The following GRIN2A variants were observed in gnomAD, a reference collection of about 807,000 sequenced individuals.
GRIN2A encodes glutamate receptor ionotropic, NMDA 2A.
GRIN2A carries 22 observed loss-of-function variants against 113.4 expected under a neutral mutation model. The observed-to-expected ratio is 0.19, with a 90% confidence interval of 0.14 to 0.28. The LOEUF is 0.28. GRIN2A is among the 10% of genes least tolerant of loss of function. The pLI, the probability that GRIN2A is intolerant of heterozygous loss-of-function variation, is 1.00. For synonymous variants in GRIN2A, 827 were observed against 738.4 expected (o/e 1.12, Z -1.94); for missense variants, 1,502 against 1,887.0 (o/e 0.80, Z 3.78).
At chr16:9,827,483 C>T (rs1015091501) in intron 9 of GRIN2A, among the ~76,000 whole-genome samples, 2 of 152,172 alleles carry the variant, frequency 1.3e-5, no homozygotes, top group African/African-American at 2.4e-5. Flanking sequence ...ATCTCAGTCC[C>T]GTCCTGCAGG....
At chr16:9,921,601 T>C (rs955475534) in intron 3 of GRIN2A, among the ~76,000 whole-genome samples, 1 of 152,248 alleles carries the variant, frequency 6.6e-6, no homozygotes, top group African/African-American at 2.4e-5. Flanking sequence ...ATCCTTAACA[T>C]ACCACCTAGA....
At chr16:10,134,350 T>C (rs2049143868) in intron 2 of GRIN2A, among the ~76,000 whole-genome samples, 1 of 152,114 alleles carries the variant, frequency 6.6e-6, no homozygotes, top group Non-Finnish European at 1.5e-5. Flanking sequence ...GTAATATGTG[T>C]TTCCAGCCTA....
chr16:10,095,845 C>A (rs1024304782), intron 2 of GRIN2A, among the ~76,000 whole-genome samples: 2 of 152,000 alleles, frequency 1.3e-5, no homozygotes, highest in African/African-American at 4.8e-5. Context: ...AAGAAGGACA[C>A]AATATCACTT....
At chr16:9,912,852 T>G (rs1369875176) in intron 3 of GRIN2A, among the ~76,000 whole-genome samples, 2 of 152,342 alleles carry the variant, frequency 1.3e-5, no homozygotes, top group Middle Eastern at 6.8e-3. Flanking sequence ...TAAAAGGCAG[T>G]AATAGCTGTG....
chr16:10,091,457 TACACACACAC>T (rs35961930), intron 2 of GRIN2A, among the ~76,000 whole-genome samples: 3,100 of 145,806 alleles, frequency 0.021, 105 homozygotes, highest in African/African-American at 0.072. Context: ...TGTGTGTGTA[TACACACACAC>T]ACACACACAC....
At chr16:9,781,378 T>G (rs1270121685) in intron 11 of GRIN2A, among the ~76,000 whole-genome samples, 2 of 152,202 alleles carry the variant, frequency 1.3e-5, no homozygotes, top group African/African-American at 4.8e-5. Flanking sequence ...TTTTTTTCTT[T>G]GAGACAGGGT....
At chr16:9,902,940 G>GTT (rs34185441) in intron 3 of GRIN2A, among the ~76,000 whole-genome samples, 22 of 50,632 alleles carry the variant, frequency 4.3e-4, no homozygotes, top group South Asian at 7.2e-4. Context: ...TCTTGGTTCT[G>GTT]TTTTTTTTTT....
At chr16:9,912,283 AT>A (rs1230979254) in intron 3 of GRIN2A, among the ~76,000 whole-genome samples, 1 of 152,084 alleles carries the variant, frequency 6.6e-6, no homozygotes, top group Non-Finnish European at 1.5e-5. Flanking sequence ...GGTGGTAGTG[AT>A]TATGGAGATG....
intron 2 of GRIN2A, among the ~76,000 whole-genome samples, chr16:10,081,125 A>G (rs2047970420): frequency 6.6e-6 from 1 of 152,150 alleles, no homozygotes; most frequent in African/African-American, 2.4e-5. Context: ...AATATCTACC[A>G]TGGGGCAATT....
chr16:10,091,098 A>G (rs2048175893), intron 2 of GRIN2A, among the ~76,000 whole-genome samples: 1 of 152,246 alleles, frequency 6.6e-6, no homozygotes, highest in Non-Finnish European at 1.5e-5. Flanking sequence ...GCTGATGGCA[A>G]TGTGATATGG....
chr16:9,900,425 T>G (rs533208080), intron 3 of GRIN2A, among the ~76,000 whole-genome samples: 34 of 152,328 alleles, frequency 2.2e-4, no homozygotes, highest in Middle Eastern at 3.4e-3. Flanking sequence ...GGTGACTCCT[T>G]AAGGAGAGGA....
At chr16:10,089,347 G>A (rs542243853) in intron 2 of GRIN2A, among the ~76,000 whole-genome samples, 7 of 152,286 alleles carry the variant, frequency 4.6e-5, no homozygotes, top group African/African-American at 1.7e-4. Flanking sequence ...TAGATTCATT[G>A]AAACGTTTAC....
At chr16:10,094,473 G>T (rs1174793401) in intron 2 of GRIN2A, among the ~76,000 whole-genome samples, 3 of 151,244 alleles carry the variant, frequency 2.0e-5, no homozygotes, top group Non-Finnish European at 2.9e-5. Flanking sequence ...TTTTGAGATG[G>T]AATCTCGCTC....
chr16:9,795,721 G>C (rs914370320), intron 11 of GRIN2A, among the ~76,000 whole-genome samples: 6 of 152,092 alleles, frequency 3.9e-5, no homozygotes, highest in African/African-American at 1.2e-4. Context: ...AGCCTTATTA[G>C]GTAATTATTT....
At chr16:9,795,952 C>G (rs1344188100) in intron 11 of GRIN2A, among the ~76,000 whole-genome samples, 4 of 152,126 alleles carry the variant, frequency 2.6e-5, no homozygotes, top group Non-Finnish European at 5.9e-5. Flanking sequence ...AGTAAGGTCC[C>G]TGAAGTAGAA....
At chr16:10,055,112 G>GAA (rs75759716) in intron 2 of GRIN2A, among the ~76,000 whole-genome samples, 4 of 67,366 alleles carry the variant, frequency 5.9e-5, no homozygotes, top group Admixed American at 3.8e-4. Context: ...AAAGAAAAAA[G>GAA]AAAAAAAAAA....
At chr16:9,854,809 G>C (rs538394174) in intron 4 of GRIN2A, among the ~76,000 whole-genome samples, 26 of 152,150 alleles carry the variant, frequency 1.7e-4, no homozygotes, top group Admixed American at 6.5e-4. Context: ...CAGGAGTAAG[G>C]TTTCAATCCA....
chr16:10,088,664 G>C (rs1180768339), intron 2 of GRIN2A, among the ~76,000 whole-genome samples: 1 of 152,176 alleles, frequency 6.6e-6, no homozygotes, highest in African/African-American at 2.4e-5. Flanking sequence ...CAAAGGACTG[G>C]CTATTTTTGG....
chr16:9,933,447 C>T (rs1416691390), intron 3 of GRIN2A, among the ~76,000 whole-genome samples: 1 of 152,182 alleles, frequency 6.6e-6, no homozygotes, highest in Non-Finnish European at 1.5e-5. Context: ...GATCCCAGAT[C>T]CCCTCAGTAA....
Sources: allele counts gnomAD v4.1 joint callset (sites outside exome capture counted in the v4.1 genomes callset), GRCh38; gene constraint gnomAD v4.1.1; transcripts MANE v1.5; gene names NCBI Gene and HGNC (gene_info 2026-07-23, HGNC 2026-07-21).